Variants in LAMB3 observed in about 807,000 individuals in gnomAD.
The protein encoded by LAMB3 is laminin subunit beta-3.
A neutral mutation model predicts 140.3 loss-of-function variants in LAMB3; 104 were observed. That is an observed-to-expected ratio of 0.74 (90% CI 0.63 to 0.87). The LOEUF is 0.87. Among genes scored for constraint, LAMB3 ranks in the 40% least tolerant of loss-of-function variants. The pLI is 0.00. For synonymous variants in LAMB3, 592 were observed against 602.9 expected (o/e 0.98, Z 0.26); for missense variants, 1,531 against 1,575.2 (o/e 0.97, Z 0.47).
chr1:209,647,145 A>G (rs1489387767), intron 3 of LAMB3, among the ~76,000 whole-genome samples: 1 of 152,274 alleles, frequency 6.6e-6, no homozygotes, highest in Middle Eastern at 3.2e-3. Flanking sequence ...AAAGCTGGCC[A>G]AGACCTATGT....
intron 8 of LAMB3, among the ~76,000 whole-genome samples, chr1:209,631,185 G>A (rs995979090): frequency 1.3e-5 from 2 of 152,186 alleles, no homozygotes; most frequent in African/African-American, 4.8e-5. Context: ...GACTCATTAA[G>A]GTATAAAAAT....
intron 3 of LAMB3, among the ~76,000 whole-genome samples, chr1:209,643,684 G>C (rs574341642): frequency 1.3e-5 from 2 of 152,142 alleles, no homozygotes; most frequent in African/African-American, 2.4e-5. Flanking sequence ...AATTCTGGGG[G>C]AGAATAGGAA....
At chr1:209,648,786 A>G (rs1231211876) in intron 3 of LAMB3, among the ~76,000 whole-genome samples, 4 of 152,152 alleles carry the variant, frequency 2.6e-5, no homozygotes, top group Non-Finnish European at 5.9e-5. Flanking sequence ...TGAAATTTTT[A>G]GATATGGGCT....
At chr1:209,638,101 A>G in intron 4 of LAMB3, 120 bp from the exon 5 acceptor site, 2 of 815,706 alleles carry the variant, frequency 2.5e-6, no homozygotes, top group Non-Finnish European at 4.1e-6. Flanking sequence ...GATTTTCCAA[A>G]CTCCCTCTTG....
rs114229110 is a variant in LAMB3, at chr1:209,647,260, A to C, written c.183+2704T>G. Among the ~76,000 whole-genome samples, 375 of 152,372 alleles carry C rather than the reference A, an allele frequency of 2.5e-3. 2 individuals are homozygous for C. The highest frequency in any genetic ancestry group is 8.1e-3 in the African/African-American group (336 of 41,592). On this transcript the variant is annotated intron_variant, in intron 3 of 22. Coordinates refer to ENST00000356082, the MANE Select transcript of LAMB3 (RefSeq NM_000228.3). ...GAATTGGGTGGAGGAGGTAACATGC[A>C]AACAGGCTAAGACTGGTCCACAAAA...
chr1:209,639,423 T>C (rs1043381145), intron 3 of LAMB3, among the ~76,000 whole-genome samples: 2 of 152,134 alleles, frequency 1.3e-5, no homozygotes, highest in Admixed American at 6.5e-5. Context: ...CGGTATTCCC[T>C]ACCTACAGGA....
intron 3 of LAMB3, among the ~76,000 whole-genome samples, chr1:209,645,497 C>T (rs1194353651): frequency 6.6e-6 from 1 of 152,056 alleles, no homozygotes; most frequent in East Asian, 1.9e-4. Flanking sequence ...GGGCAGATCG[C>T]TTGAGGTCAG....
intron 8 of LAMB3, among the ~76,000 whole-genome samples, chr1:209,631,025 C>T (rs1215530318): frequency 6.6e-6 from 1 of 152,184 alleles, no homozygotes; most frequent in Admixed American, 6.5e-5. Context: ...CCCCATGACA[C>T]CCAGTCAGAG....
chr1:209,617,781 C>A, intron 20 of LAMB3, 126 bp downstream of exon 20: 2 of 1,369,774 alleles, frequency 1.5e-6, no homozygotes. Context: ...CTGCCCAAAG[C>A]TTGTCACTCT....
At chr1:209,627,978 G>T in intron 11 of LAMB3, 57 bp downstream of exon 11, 2 of 1,546,264 alleles carry the variant, frequency 1.3e-6, no homozygotes, top group Non-Finnish European at 1.7e-6. Flanking sequence ...CAAGCCGTGG[G>T]TCTGGTGGCC....
intron 21 of LAMB3, 24 bp downstream of exon 21, chr1:209,617,386 G>C (rs1483948561): frequency 6.2e-7 from 1 of 1,610,982 alleles, no homozygotes; most frequent in Non-Finnish European, 8.5e-7. Flanking sequence ...GTACATCATT[G>C]AGCTAACTCC....
Position 209,617,926 on chromosome 1 carries a change from A to T in LAMB3, c.3032T>A (p.Ile1011Asn). 7 of 1,614,186 alleles carry T rather than the reference A, an allele frequency of 4.3e-6. No individual in the cohort carries two copies. In the South Asian group the frequency reaches 5.5e-5, roughly 13 times the overall value. The change falls in exon 20 of 23, where the codon ATC becomes AAC. Residue 1011 changes from isoleucine to asparagine, a missense_variant. Physicochemically the swap from Ile to Asn is moderately radical, Grantham distance 149 (BLOSUM62 -3). Transcript: ENST00000356082. ...CCTCACCTCAGCAACCCTGTCCTGG[A>T]TAAGCCGAAGGGAGCGGCTGGTGCC... ...MQGTSRSLRL[I>N]QDRVAEVQQV...
chr1:209,630,764 G>A (rs770745055), intron 8 of LAMB3, 29 bp from the exon 9 acceptor site: 41 of 1,612,270 alleles, frequency 2.5e-5, no homozygotes, highest in Non-Finnish European at 3.4e-5. Context: ...GCCATCAGGA[G>A]TAATCAACAA....
chr1:209,635,665 C>T lies in LAMB3; in HGVS notation c.373-1027G>A, dbSNP rs143961218. Among the ~76,000 whole-genome samples, 1,328 of 152,102 alleles carry T rather than the reference C, an allele frequency of 8.7e-3. 14 individuals carry two copies. The highest frequency in any genetic ancestry group is 0.023 in the South Asian group (111 of 4,816). ...TGATCCACCCGCCTCGGCCTCCCAA[C>T]GTGCTGAGATTGCAGGTGTGAGCCA... On this transcript the variant is annotated intron_variant, in intron 5 of 22. Coordinates refer to ENST00000356082, the MANE Select transcript of LAMB3 (RefSeq NM_000228.3).
In LAMB3 at chr1:209,623,619, C is replaced by T. The variant is rs774356902; in HGVS notation, c.2244G>A (p.Glu748=). The change falls in exon 16 of 23, where the codon GAG becomes GAA. Residue 748 remains glutamate, a synonymous_variant. Transcript: ENST00000356082. This position sits in a 1 kb window ranked among gnomAD's most constrained non-coding sequence, Gnocchi z 4.2. ...LLDQLRDSRR[E]AERLVRQAGG... ...CCGCCTGCCGCACCAGCCTCTCTGC[C>T]TCTCTCCGGCTGTCCCTGAGCTGGT... The T allele has an allele frequency of 1.9e-6, 3 of 1,614,226 alleles. No individual in the cohort carries two copies. The highest frequency in any genetic ancestry group is 2.5e-6 in the Non-Finnish European group (3 of 1,180,038).
In LAMB3 at chr1:209,627,631, C is replaced by T. The variant is rs2072938; in HGVS notation, c.1289-52G>A. On this transcript the variant is annotated intron_variant, in intron 11 of 22. Coordinates refer to ENST00000356082, the MANE Select transcript of LAMB3 (RefSeq NM_000228.3). ...GGCAGACGCTCCATGAAAAACTCAC[C>T]CCCAGAGGACACACATCCAGGGAGG... The T allele has an allele frequency of 0.13, 208,529 of 1,551,636 alleles. 15,061 individuals carry two copies. The highest frequency in any genetic ancestry group is 0.15 in the Admixed American group (9,149 of 59,182).
In LAMB3 at chr1:209,625,899, G is replaced by A; in HGVS notation, c.1725C>T (p.Tyr575=). ...AAGGGTGGCAGGCCACGCACACCGGGTAGCGATTACAGTAGCCTCGCTGGC... is the reference window on the plus strand; with the variant it reads ...AAGGGTGGCAGGCCACGCACACCGGATAGCGATTACAGTAGCCTCGCTGGC... ...DQCQRGYCNR[Y]PVCVACHPCF... is the part of the protein sequence containing the mutation. The change falls in exon 14 of 23, where the codon TAC becomes TAT. Residue 575 remains tyrosine, a synonymous_variant. Coordinates refer to ENST00000356082, the MANE Select transcript of LAMB3 (RefSeq NM_000228.3). 2 of 1,613,872 alleles carry A rather than the reference G, an allele frequency of 1.2e-6. No individual in the cohort carries two copies. Among genetic ancestry groups the A allele is most frequent in the Non-Finnish European group, 1.7e-6 (2 of 1,179,920 alleles).
At position 209,628,056 on chromosome 1, in the gene LAMB3, CGTAG is replaced by C. The variant is rs766741809; in HGVS notation, c.1263_1266del (p.Tyr422ProfsTer87). The C allele has an allele frequency of 2.5e-6, 4 of 1,606,520 alleles. No individual in the cohort carries two copies. Among genetic ancestry groups the C allele is most frequent in the Non-Finnish European group, 3.4e-6 (4 of 1,176,382 alleles). On this transcript the variant is annotated frameshift_variant, in exon 11 of 23. Coordinates refer to ENST00000356082, the MANE Select transcript of LAMB3 (RefSeq NM_000228.3). LOFTEE classifies it high-confidence loss of function. ...TCACGGTGGCAGCCCTGCGGGTTGGCGTAGGTGAGTCCAGTGAAGCCCGGCTTGC... is the reference window on the plus strand; with the variant it reads ...TCACGGTGGCAGCCCTGCGGGTTGGCGTGAGTCCAGTGAAGCCCGGCTTGC...
intron 6 of LAMB3, 116 bp from the exon 7 acceptor site, chr1:209,633,249 A>G: frequency 1.3e-6 from 1 of 777,474 alleles, no homozygotes; most frequent in Non-Finnish European, 2.3e-6. Context: ...GTTACCTGGA[A>G]CCTGAGATAG....
Sources: allele counts gnomAD v4.1 joint callset (sites outside exome capture counted in the v4.1 genomes callset), GRCh38; gene constraint gnomAD v4.1.1; non-coding constraint Gnocchi (gnomAD v3.1); transcripts MANE v1.5; gene names NCBI Gene and HGNC (gene_info 2026-07-23, HGNC 2026-07-21).